SPECC1: variants seen among roughly 807,000 people sequenced by gnomAD.
The protein encoded by SPECC1 is sperm antigen with calponin homology and coiled-coil domains 1.
SPECC1 carries 62 observed loss-of-function variants against 104.1 expected under a neutral mutation model. The observed-to-expected ratio is 0.60, with a 90% CI of 0.49 to 0.74. The LOEUF (loss-of-function observed/expected upper bound fraction) is 0.74, where lower values mean the gene tolerates loss of function less well. Ranked by LOEUF, SPECC1 falls within the 30% of genes least tolerant of loss-of-function variation. SPECC1 has a pLI of 0.00. For synonymous variants in SPECC1, 513 were observed against 501.6 expected (o/e 1.02, Z -0.30); for missense variants, 1,306 against 1,310.5 (o/e 1.00, Z 0.05).
intron 7 of SPECC1, among the ~76,000 whole-genome samples, chr17:20,234,659 A>G (rs951631511): frequency 6.6e-6 from 1 of 152,240 alleles, no homozygotes; most frequent in Non-Finnish European, 1.5e-5. Context: ...GCATTCTCTG[A>G]CGAGGTCCTC....
At chr17:20,097,082 C>A (rs998610338) in intron 2 of SPECC1, among the ~76,000 whole-genome samples, 2 of 152,180 alleles carry the variant, frequency 1.3e-5, no homozygotes, top group Admixed American at 6.5e-5. Flanking sequence ...GCCCCAAGCA[C>A]GGCCCTGGAT....
chr17:20,307,852 C>A (rs2142178197), intron 14 of SPECC1, among the ~76,000 whole-genome samples: 1 of 152,194 alleles, frequency 6.6e-6, no homozygotes, highest in South Asian at 2.1e-4. Flanking sequence ...TTATTTATCT[C>A]AAGCAGGATG....
intron 6 of SPECC1, 140 bp from the exon 7 acceptor site, chr17:20,232,059 AG>A: frequency 9.7e-7 from 1 of 1,026,916 alleles, no homozygotes; most frequent in Admixed American, 2.1e-5. Context: ...TTTTCCTAGC[AG>A]TGAGCCACCG....
Position 20,124,806 on chromosome 17 carries a change from A to G in SPECC1, c.283+14244A>G, listed in dbSNP as rs533417205. ...GGCAAAATCATCTAACACAGAGCCT[A>G]TTTTATAATAAAGTGTTGAATATCT... On this transcript the variant is annotated intron_variant, in intron 3 of 14. Transcript: ENST00000395527. Among the ~76,000 whole-genome samples the G allele has an allele frequency of 2.0e-5, 3 of 152,336 alleles. No homozygotes were observed. The South Asian group carries it at 6.2e-4, about 32-fold the overall frequency.
At chr17:20,044,913 C>T (rs573323027) in intron 1 of SPECC1, among the ~76,000 whole-genome samples, 7 of 152,314 alleles carry the variant, frequency 4.6e-5, no homozygotes, top group East Asian at 1.9e-4. Context: ...GGTGTGCTCA[C>T]GCACATGCGT....
At chr17:20,191,571 T>C (rs1258912134) in intron 3 of SPECC1, among the ~76,000 whole-genome samples, 1 of 148,660 alleles carries the variant, frequency 6.7e-6, no homozygotes, top group Non-Finnish European at 1.5e-5. Context: ...GGTATGCACA[T>C]ACCATGATGG....
chr17:20,183,435 T>C (rs2035046200), intron 3 of SPECC1, among the ~76,000 whole-genome samples: 1 of 152,228 alleles, frequency 6.6e-6, no homozygotes, highest in Admixed American at 6.5e-5. Context: ...GTACTTTTTT[T>C]GTTCTGGCCC....
intron 3 of SPECC1, among the ~76,000 whole-genome samples, chr17:20,136,925 C>A (rs1220929017): frequency 6.6e-6 from 1 of 152,126 alleles, no homozygotes; most frequent in Admixed American, 6.5e-5. Context: ...GAGATGGTTT[C>A]CTTGGACTTT....
chr17:20,132,259 G>T (rs1447977340), intron 3 of SPECC1, among the ~76,000 whole-genome samples: 1 of 152,082 alleles, frequency 6.6e-6, no homozygotes, highest in Non-Finnish European at 1.5e-5. Flanking sequence ...CGTGGTATAT[G>T]ATTATTTTTA....
At chr17:20,135,662 G>A (rs952017656) in intron 3 of SPECC1, among the ~76,000 whole-genome samples, 1 of 152,114 alleles carries the variant, frequency 6.6e-6, no homozygotes, top group African/African-American at 2.4e-5. Flanking sequence ...ATGTTGCTCA[G>A]GCTGGTCTTG....
At position 20,193,557 on chromosome 17, in the gene SPECC1, G is replaced by C. The variant is rs569546100; in HGVS notation, c.284-10776G>C. Among the ~76,000 whole-genome samples, 3 of 152,302 alleles carry C rather than the reference G, an allele frequency of 2.0e-5. No individual in the cohort carries two copies. The South Asian group carries it at 6.2e-4, about 32-fold the overall frequency. On this transcript the variant is annotated intron_variant, in intron 3 of 14. Coordinates refer to ENST00000395527, the MANE Select transcript of SPECC1 (RefSeq NM_001243439.2). ...ATTAGGGTCTCTTACATTCAGAGTA[G>C]AGAGGAGCAGAGTCAGAAAGCATCA...
At chr17:20,262,420 T>A (rs1186635173) in intron 12 of SPECC1, among the ~76,000 whole-genome samples, 1 of 152,184 alleles carries the variant, frequency 6.6e-6, no homozygotes, top group African/African-American at 2.4e-5. Flanking sequence ...CTCCAGCAAT[T>A]TATGAGAGAT....
At chr17:20,131,995 G>A (rs966807058) in intron 3 of SPECC1, among the ~76,000 whole-genome samples, 3 of 152,106 alleles carry the variant, frequency 2.0e-5, no homozygotes, top group Admixed American at 2.0e-4. Flanking sequence ...GTTAGCTTTC[G>A]GGAGTTTCTG....
At chr17:20,087,516 G>A (rs1009470391) in intron 1 of SPECC1, among the ~76,000 whole-genome samples, 13 of 152,036 alleles carry the variant, frequency 8.6e-5, no homozygotes, top group Non-Finnish European at 2.9e-5. Flanking sequence ...GTGCTTGCCC[G>A]TTAATTCAGC....
intron 1 of SPECC1, among the ~76,000 whole-genome samples, chr17:20,049,811 CTTTATT>C: frequency 6.6e-6 from 1 of 151,642 alleles, no homozygotes. Flanking sequence ...TCTTTTCTTT[CTTTATT>C]TTTATTTATT....
chr17:20,036,754 C>G (rs1245455253), intron 1 of SPECC1, among the ~76,000 whole-genome samples: 1 of 152,150 alleles, frequency 6.6e-6, no homozygotes, highest in African/African-American at 2.4e-5. Flanking sequence ...CATCTGCAAA[C>G]AGGAACAGTT....
chr17:20,082,079 CTT>C lies in SPECC1; in HGVS notation c.-21-14551_-21-14550del, dbSNP rs1003788707. Among the ~76,000 whole-genome samples, 4 of 152,252 alleles carry C rather than the reference CTT, an allele frequency of 2.6e-5. No individual in the cohort carries two copies. The East Asian group carries it at 5.8e-4, about 22-fold the overall frequency. On this transcript the variant is annotated intron_variant, in intron 1 of 14. Coordinates refer to ENST00000395527, the MANE Select transcript of SPECC1 (RefSeq NM_001243439.2). The stretch of plus-strand genomic sequence containing the variant: ...TGGGCCTCCGCCATCCACCGCCACT[CTT>C]GTTTTCCAGTGCCATTTTGCACAAC...
chr17:20,121,811 T>C (rs184567822), intron 3 of SPECC1, among the ~76,000 whole-genome samples: 93 of 152,360 alleles, frequency 6.1e-4, no homozygotes, highest in African/African-American at 2.2e-3. Context: ...ATCCAGCCAC[T>C]AGGTGGCAGC....
At chr17:20,081,267 C>G (rs1242668360) in intron 1 of SPECC1, among the ~76,000 whole-genome samples, 1 of 152,238 alleles carries the variant, frequency 6.6e-6, no homozygotes, top group East Asian at 1.9e-4. Flanking sequence ...CATCCTGTGT[C>G]CTGGTGCCTA....
Sources: gnomAD v4.1 joint callset for allele counts (sites outside exome capture counted in the v4.1 genomes callset) on GRCh38, gnomAD v4.1.1 for gene constraint, MANE v1.5 for transcripts, NCBI Gene and HGNC (gene_info 2026-07-23, HGNC 2026-07-21) for gene names.